TRHDE: variants seen among roughly 807,000 people sequenced by gnomAD.
TRHDE encodes thyrotropin releasing hormone degrading enzyme, also known as thyrotropin-releasing hormone-degrading ectoenzyme.
Under a neutral mutation model 125.7 loss-of-function variants are expected in TRHDE, and 72 were observed. That is an observed-to-expected ratio of 0.57 (90% CI 0.47 to 0.70). The LOEUF is 0.70. Among genes scored for constraint, TRHDE ranks in the 30% least tolerant of loss-of-function variants. TRHDE has a pLI of 0.00. For missense variants in TRHDE, 1,110 were observed against 1,327.1 expected, an observed-to-expected ratio of 0.84 and a Z score of 2.54; for synonymous variants, 509 against 509.1, an observed-to-expected ratio of 1.00 and a Z score of 0.00.
At position 72,367,327 on chromosome 12, in the gene TRHDE, G is replaced by A. The variant is rs1442980657; in HGVS notation, c.1189-10668G>A. 1.3e-5 allele frequency among the ~76,000 whole-genome samples: 2 copies of A among 151,844 alleles called. 1 individual carries two copies. The highest frequency in any genetic ancestry group is 4.8e-5 in the African/African-American group (2 of 41,312). On this transcript the variant is annotated intron_variant, in intron 2 of 18. Coordinates refer to ENST00000261180, the MANE Select transcript of TRHDE (RefSeq NM_013381.3). ...AATCATGTCACTCTGCCTCAAACTC[G>A]GCAGTGGCTCTCAACTCCTCAAAGC... is the stretch of plus-strand genomic sequence containing the variant.
At chr12:72,484,304 C>T (rs1375832144) in intron 5 of TRHDE, among the ~76,000 whole-genome samples, 1 of 152,006 alleles carries the variant, frequency 6.6e-6, no homozygotes, top group Non-Finnish European at 1.5e-5. Context: ...ATTTAGCATG[C>T]AGGAAAATAT....
chr12:72,627,128 T>C (rs1873292600), intron 15 of TRHDE, among the ~76,000 whole-genome samples: 1 of 151,876 alleles, frequency 6.6e-6, no homozygotes, highest in Non-Finnish European at 1.5e-5. Flanking sequence ...GGAATTAGCT[T>C]GTCCTTTGTC....
intron 2 of TRHDE, among the ~76,000 whole-genome samples, chr12:72,154,554 G>A (rs1328801509): frequency 6.6e-6 from 1 of 152,174 alleles, no homozygotes; most frequent in East Asian, 1.9e-4. Context: ...TCCATGTTTA[G>A]TGCTTCCTTC....
At chr12:72,219,634 A>G (rs992553834) in intron 2 of TRHDE, among the ~76,000 whole-genome samples, 3 of 152,272 alleles carry the variant, frequency 2.0e-5, no homozygotes, top group Middle Eastern at 3.4e-3. Context: ...AGACAAAAAC[A>G]GAAGATGTTG....
At chr12:72,572,793 CATATCT>C (rs965847584) in intron 10 of TRHDE, among the ~76,000 whole-genome samples, 1 of 151,774 alleles carries the variant, frequency 6.6e-6, no homozygotes, top group Non-Finnish European at 1.5e-5. Context: ...TTGACTATAT[CATATCT>C]ATAAGTTGTT....
chr12:72,589,061 C>T (rs1167862287), intron 12 of TRHDE, among the ~76,000 whole-genome samples: 3 of 152,104 alleles, frequency 2.0e-5, no homozygotes, highest in African/African-American at 7.2e-5. Flanking sequence ...GGGGATCATG[C>T]GAACTACAAG....
chr12:72,160,539 A>C (rs1469724919), intron 2 of TRHDE, among the ~76,000 whole-genome samples: 1 of 152,112 alleles, frequency 6.6e-6, no homozygotes, highest in Admixed American at 6.5e-5. Flanking sequence ...ATACAAAAAA[A>C]TTAGCTGGGC....
At chr12:72,243,992 A>G (rs1433021008) in intron 2 of TRHDE, among the ~76,000 whole-genome samples, 1 of 152,166 alleles carries the variant, frequency 6.6e-6, no homozygotes, top group East Asian at 1.9e-4. Flanking sequence ...TGTATAACAT[A>G]TAGTCCTACC....
chr12:72,098,404 G>A (rs547312673), intron 1 of TRHDE, among the ~76,000 whole-genome samples: 1 of 151,942 alleles, frequency 6.6e-6, no homozygotes, highest in African/African-American at 2.4e-5. Flanking sequence ...CAATCTGGAT[G>A]ACTTTTTAAA....
chr12:72,417,200 T>C (rs1209284019), intron 3 of TRHDE, among the ~76,000 whole-genome samples: 1 of 152,104 alleles, frequency 6.6e-6, no homozygotes, highest in African/African-American at 2.4e-5. Context: ...TCTATTGCTT[T>C]TCATATGTTG....
intron 2 of TRHDE, among the ~76,000 whole-genome samples, chr12:72,289,577 C>G (rs1880012727): frequency 6.6e-6 from 1 of 152,140 alleles, no homozygotes; most frequent in South Asian, 2.1e-4. Flanking sequence ...AAATGGAAAG[C>G]TCTTCTAACA....
At chr12:72,544,142 A>G (rs1394042199) in intron 7 of TRHDE, among the ~76,000 whole-genome samples, 1 of 151,426 alleles carries the variant, frequency 6.6e-6, no homozygotes, top group Non-Finnish European at 1.5e-5. Flanking sequence ...AGCTTTATTT[A>G]TACTCATCAC....
intron 6 of TRHDE, among the ~76,000 whole-genome samples, chr12:72,533,755 CTTCT>C (rs1868702445): frequency 7.8e-6 from 1 of 128,552 alleles, no homozygotes; most frequent in African/African-American, 3.1e-5. Context: ...ATGTTTTATC[CTTCT>C]ATGTACATTC....
At chr12:72,181,141 T>C (rs1327788635) in intron 2 of TRHDE, among the ~76,000 whole-genome samples, 1 of 152,158 alleles carries the variant, frequency 6.6e-6, no homozygotes, top group East Asian at 1.9e-4. Flanking sequence ...ACATTTGAAG[T>C]TTTGGATTCA....
At chr12:72,128,497 T>A (rs1393651594) in intron 2 of TRHDE, among the ~76,000 whole-genome samples, 1 of 152,184 alleles carries the variant, frequency 6.6e-6, no homozygotes. Flanking sequence ...ACACAGATGT[T>A]AAATTTTTTT....
intron 2 of TRHDE, among the ~76,000 whole-genome samples, chr12:72,316,697 T>C (rs1173151841): frequency 3.9e-5 from 6 of 152,212 alleles, no homozygotes; most frequent in Non-Finnish European, 8.8e-5. Flanking sequence ...CTAAAATTTA[T>C]TCATGTTGAT....
Position 72,664,423 on chromosome 12 carries a change from C to G in TRHDE, c.*1228C>G, listed in dbSNP as rs1300017238. The G allele has an allele frequency of 6.6e-6, 1 of 152,418 alleles. No individual in the cohort carries two copies. 9.4% of individuals were successfully genotyped at this position (152,418 alleles called of 1,614,324 possible). A position where few individuals can be genotyped will look rare whatever the true frequency, so the allele number is the denominator to read the frequency against. On this transcript the variant is annotated 3_prime_UTR_variant, in exon 19 of 19. Transcript: ENST00000261180. ...GACCTTTTGTGCCAGTTGTGCCATC[C>G]CTTAAGATGAAAAGTTCCTTTTCTT...
At chr12:72,159,644 T>G (rs1406096429) in intron 2 of TRHDE, among the ~76,000 whole-genome samples, 2 of 152,244 alleles carry the variant, frequency 1.3e-5, no homozygotes, top group Non-Finnish European at 1.5e-5. Context: ...TTATTTTGTT[T>G]TCTTCAGGCA....
At chr12:72,098,180 G>A (rs1370428729) in intron 1 of TRHDE, among the ~76,000 whole-genome samples, 1 of 152,140 alleles carries the variant, frequency 6.6e-6, no homozygotes, top group Admixed American at 6.5e-5. Context: ...ACTGTGCTCA[G>A]CCTACATTAC....
Sources: allele counts gnomAD v4.1 joint callset (sites outside exome capture counted in the v4.1 genomes callset), GRCh38; gene constraint gnomAD v4.1.1; transcripts MANE v1.5; gene names NCBI Gene and HGNC (gene_info 2026-07-23, HGNC 2026-07-21).